The following ASTN2 variants were observed in gnomAD, a reference collection of about 807,000 sequenced individuals.
ASTN2 encodes astrotactin-2.
Under a neutral mutation model 139.8 loss-of-function variants are expected in ASTN2, and 54 were observed. That is an observed-to-expected ratio of 0.39 (90% CI 0.31 to 0.48). The LOEUF (loss-of-function observed/expected upper bound fraction) is 0.48, where lower values mean the gene tolerates loss of function less well. Ranked by LOEUF, ASTN2 falls within the 20% of genes least tolerant of loss-of-function variation. The pLI is 0.95. For synonymous variants in ASTN2, 756 were observed against 719.5 expected (o/e 1.05, Z -0.81); for missense variants, 1,565 against 1,725.1 (o/e 0.91, Z 1.64).
rs376996143 is a variant in ASTN2 at position 117,209,916 on chromosome 9, T to G, written c.1015+4442A>C. Among the ~76,000 whole-genome samples the G allele has an allele frequency of 2.6e-3, 396 of 152,188 alleles. 2 individuals carry two copies. The highest frequency in any genetic ancestry group is 0.024 in the South Asian group (116 of 4,828). ...ATGACAACAGGAATATTCATAACTA[T>G]ACAAATACAAGGAGATTAAATAAGA... On this transcript the variant is annotated intron_variant, in intron 3 of 22. Transcript: ENST00000313400.
chr9:116,434,927 A>G (rs1847604089), intron 22 of ASTN2, among the ~76,000 whole-genome samples: 1 of 152,168 alleles, frequency 6.6e-6, no homozygotes, highest in Non-Finnish European at 1.5e-5. Flanking sequence ...ATGACCACAG[A>G]TTTAGGAAAG....
At chr9:116,495,672 A>T (rs897613402) in intron 19 of ASTN2, among the ~76,000 whole-genome samples, 5 of 152,206 alleles carry the variant, frequency 3.3e-5, no homozygotes, top group Non-Finnish European at 7.3e-5. Context: ...TAAATGAAAA[A>T]ATAATGCTCA....
intron 6 of ASTN2, among the ~76,000 whole-genome samples, chr9:117,037,488 C>T (rs1158979782): frequency 6.6e-6 from 1 of 152,118 alleles, no homozygotes; most frequent in Non-Finnish European, 1.5e-5. Flanking sequence ...GAGACAGAGG[C>T]TCAGAGAGGG....
At chr9:116,537,722 T>C (rs1360274512) in intron 19 of ASTN2, among the ~76,000 whole-genome samples, 1 of 152,122 alleles carries the variant, frequency 6.6e-6, no homozygotes, top group Non-Finnish European at 1.5e-5. Flanking sequence ...TATCATAGAA[T>C]CAGAAGAGCT....
At chr9:116,611,929 C>T (rs1419040421) in intron 19 of ASTN2, 2 of 152,020 alleles carry the variant, frequency 1.3e-5, no homozygotes, top group East Asian at 1.9e-4. Flanking sequence ...TTTTGTGAGA[C>T]CAGAATGATC....
At chr9:116,947,030 T>C (rs1835420020) in intron 10 of ASTN2, among the ~76,000 whole-genome samples, 2 of 151,672 alleles carry the variant, frequency 1.3e-5, no homozygotes, top group Admixed American at 6.6e-5. Context: ...CAAAGCAGGT[T>C]ATAAGGAGAG....
intron 5 of ASTN2, among the ~76,000 whole-genome samples, chr9:117,089,609 G>C (rs998545159): frequency 6.6e-6 from 1 of 151,882 alleles, no homozygotes; most frequent in Non-Finnish European, 1.5e-5. Context: ...TGATTTCTGA[G>C]ATTTTGGTTC....
rs989305119 is a variant in ASTN2, at chr9:117,082,063, A to G, written c.1276+13981T>C. 2.0e-5 allele frequency among the ~76,000 whole-genome samples: 3 copies of G among 152,166 alleles called. No individual in the cohort carries two copies. In the East Asian group the frequency reaches 5.8e-4, roughly 29 times the overall value. On this transcript the variant is annotated intron_variant, in intron 5 of 22. Transcript: ENST00000313400. ...CTTTGAAGCTGCTATGTTTCTGTCA[A>G]CTGGTTACTCATAGAAACTAATACA...
chr9:117,041,249 A>C (rs7855056), intron 5 of ASTN2, among the ~76,000 whole-genome samples: 84,985 of 151,598 alleles, frequency 0.56, 25,076 homozygotes, highest in African/African-American at 0.74. Context: ...CAATGCCTCC[A>C]CAATTTTTTT....
chr9:116,615,187 A>G (rs1855775087), intron 19 of ASTN2, among the ~76,000 whole-genome samples: 1 of 152,194 alleles, frequency 6.6e-6, no homozygotes, highest in Non-Finnish European at 1.5e-5. Flanking sequence ...ACCATCTCAC[A>G]CCAGTTAGAA....
chr9:116,675,536 T>C (rs981015239), intron 16 of ASTN2, among the ~76,000 whole-genome samples: 5 of 152,134 alleles, frequency 3.3e-5, no homozygotes, highest in Non-Finnish European at 7.4e-5. Flanking sequence ...GACTTCTCAT[T>C]CAGGAGGATT....
rs1009722752 is a variant in ASTN2, at chr9:116,700,030, C to G, written c.2806+25741G>C. 1.1e-4 allele frequency: 41 copies of G among 387,726 alleles called. 1 individual carries two copies. Among genetic ancestry groups the G allele is most frequent in the African/African-American group, 6.8e-4 (33 of 48,386 alleles). 24.0% of individuals were successfully genotyped at this position (387,726 alleles called of 1,614,324 possible). On this transcript the variant is annotated intron_variant, in intron 16 of 22. Coordinates refer to ENST00000313400, the MANE Select transcript of ASTN2 (RefSeq NM_001365068.1). ...CTTTGTGCCATGTTTGAAATTTGCCCTTGTATTAAATCCTTGATTTTTTCC... is the reference window on the plus strand; with the variant it reads ...CTTTGTGCCATGTTTGAAATTTGCCGTTGTATTAAATCCTTGATTTTTTCC...
At chr9:116,618,948 AG>A (rs1205306604) in intron 18 of ASTN2, among the ~76,000 whole-genome samples, 1 of 152,104 alleles carries the variant, frequency 6.6e-6, no homozygotes, top group Non-Finnish European at 1.5e-5. Flanking sequence ...TTGCAAAGCA[AG>A]AAAAAAAAAT....
intron 17 of ASTN2, among the ~76,000 whole-genome samples, chr9:116,623,353 G>C (rs779677174): frequency 6.6e-6 from 1 of 152,112 alleles, no homozygotes; most frequent in African/African-American, 2.4e-5. Flanking sequence ...CCAAAACCCC[G>C]AGGAACAGAA....
intron 16 of ASTN2, among the ~76,000 whole-genome samples, chr9:116,711,842 T>C (rs1828171894): frequency 6.6e-6 from 1 of 152,168 alleles, no homozygotes; most frequent in African/African-American, 2.4e-5. Context: ...TTTTAAGCTA[T>C]TATTTTTCTC....
chr9:116,961,176 C>G (rs1395518122), intron 10 of ASTN2, among the ~76,000 whole-genome samples: 1 of 151,092 alleles, frequency 6.6e-6, no homozygotes, highest in Non-Finnish European at 1.5e-5. Flanking sequence ...TATTTCTTCC[C>G]CCCACCCAGC....
At chr9:116,918,424 C>T (rs2132431818) in intron 10 of ASTN2, among the ~76,000 whole-genome samples, 1 of 152,272 alleles carries the variant, frequency 6.6e-6, no homozygotes, top group African/African-American at 2.4e-5. Flanking sequence ...TTGTAATAAT[C>T]CAGACTAGAA....
intron 4 of ASTN2, among the ~76,000 whole-genome samples, chr9:117,097,543 A>G (rs925939616): frequency 6.6e-6 from 1 of 152,184 alleles, no homozygotes; most frequent in African/African-American, 2.4e-5. Flanking sequence ...TCAGACATCT[A>G]CAGCAATAGA....
intron 19 of ASTN2, among the ~76,000 whole-genome samples, chr9:116,559,194 C>A (rs1250228857): frequency 1.3e-5 from 2 of 152,110 alleles, no homozygotes; most frequent in Non-Finnish European, 2.9e-5. Context: ...TCAGAAAGAC[C>A]CTTGGAAACT....
Sources: allele counts gnomAD v4.1 joint callset (sites outside exome capture counted in the v4.1 genomes callset), GRCh38; gene constraint gnomAD v4.1.1; transcripts MANE v1.5; gene names NCBI Gene and HGNC (gene_info 2026-07-23, HGNC 2026-07-21).